Variants in SNRNP27 observed in about 807,000 individuals in gnomAD.
SNRNP27 encodes the protein U4/U6.U5 small nuclear ribonucleoprotein 27 kDa protein.
Under a neutral mutation model 25.1 loss-of-function variants are expected in SNRNP27, and 22 were observed. That is an observed-to-expected ratio of 0.88 (90% CI 0.63 to 1.25). The LOEUF is 1.25. SNRNP27 is among the 50% of genes most tolerant of loss of function. The pLI, the probability that SNRNP27 is intolerant of heterozygous loss-of-function variation, is 0.00. For missense variants in SNRNP27, 150 were observed against 202.3 expected (o/e 0.74, Z 1.57); for synonymous variants, 66 against 64.9 (o/e 1.02, Z -0.08).
At position 69,904,518 on chromosome 2, in the gene SNRNP27, T is replaced by C. The variant is rs150181431; in HGVS notation, c.*210T>C. 4.9e-6 allele frequency: 3 copies of C among 614,984 alleles called. No individual in the cohort carries two copies. Among genetic ancestry groups the C allele is most frequent in the East Asian group, 5.8e-5 (2 of 34,512 alleles). The allele number at this position is 614,984 out of a possible 1,614,324, so 38.1% of individuals were successfully genotyped here. On this transcript the variant is annotated 3_prime_UTR_variant, in exon 6 of 6. Coordinates refer to ENST00000244227, the MANE Select transcript of SNRNP27 (RefSeq NM_006857.3). ...TTACATTTTTTTCTTTTAGGAAATATCATTTGTGGCAGGCGTCAACCCCAT... is the reference window on the plus strand; with the variant it reads ...TTACATTTTTTTCTTTTAGGAAATACCATTTGTGGCAGGCGTCAACCCCAT...
chr2:69,897,010 G>C (rs1357985472), intron 3 of SNRNP27, among the ~76,000 whole-genome samples: 1 of 151,946 alleles, frequency 6.6e-6, no homozygotes, highest in African/African-American at 2.4e-5. Context: ...GCAAGTTGCT[G>C]GTTATCTATG....
At position 69,896,448 on chromosome 2, in the gene SNRNP27, A is replaced by G. The variant is rs1358230382; in HGVS notation, c.168A>G (p.Arg56=). 1 of 1,611,892 alleles carries G rather than the reference A, an allele frequency of 6.2e-7. No homozygotes were observed. The highest frequency in any genetic ancestry group is 1.7e-5 in the Admixed American group (1 of 59,986). The part of the protein sequence containing the change: ...PHRRRSRSPR[R]HRSTSPSPSR... ...TTATAAATATTAGATCTCCAAGACG[A>G]CATAGATCCACATCTCCTTCCCCTT... is the stretch of plus-strand genomic sequence containing the variant. The change falls in exon 3 of 6, where the codon CGA becomes CGG. Residue 56 remains arginine (R), a synonymous_variant. Transcript: ENST00000244227.
Position 69,895,189 on chromosome 2 carries a change from C to T in SNRNP27, c.130C>T (p.Arg44Ter), listed in dbSNP as rs1195022502. 6.2e-7 allele frequency: 1 copy of T among 1,614,080 alleles called. No individual in the cohort carries two copies. The highest frequency in any genetic ancestry group is 1.7e-5 in the Admixed American group (1 of 60,018). Reference sequence around the variant, plus strand: ...GAGAGATCGGAGAAGGAGCCGCTCGCGATCCCCGCACCGAAGACGCTCCCG... The same window carrying T: ...GAGAGATCGGAGAAGGAGCCGCTCGTGATCCCCGCACCGAAGACGCTCCCG... ...RERDRRRSRS[R>*]SPHRRRSRSP... Residue 44 changes from arginine (R) to a stop codon, truncating the protein, a stop_gained, in exon 2 of 6, where the codon CGA becomes TGA. Coordinates refer to ENST00000244227, the MANE Select transcript of SNRNP27 (RefSeq NM_006857.3). LOFTEE classifies it high-confidence loss of function.
At chr2:69,894,380 G>A (rs1179016052) in intron 1 of SNRNP27, among the ~76,000 whole-genome samples, 2 of 152,194 alleles carry the variant, frequency 1.3e-5, no homozygotes, top group African/African-American at 2.4e-5. Context: ...CCCAGAATGA[G>A]TCATTGAGGG....
intron 4 of SNRNP27, among the ~76,000 whole-genome samples, chr2:69,899,318 T>C (rs189204484): frequency 6.6e-6 from 1 of 152,368 alleles, no homozygotes; most frequent in Admixed American, 6.5e-5. Context: ...AATGTGTGTC[T>C]TGTGATGTTT....
At chr2:69,902,605 GCTT>G (rs1433045898) in intron 4 of SNRNP27, among the ~76,000 whole-genome samples, 3 of 150,490 alleles carry the variant, frequency 2.0e-5, no homozygotes, top group Admixed American at 6.7e-5. Flanking sequence ...TTGTGTTTCT[GCTT>G]CTTCTGCTGC....
Position 69,896,447 on chromosome 2 carries a change from G to T in SNRNP27, c.167G>T (p.Arg56Leu), listed in dbSNP as rs1173334849. 1 of 1,611,758 alleles carries T rather than the reference G, an allele frequency of 6.2e-7. No homozygotes were observed. Among genetic ancestry groups the T allele is most frequent in the Admixed American group, 1.7e-5 (1 of 59,934 alleles). ...PHRRRSRSPR[R>L]HRSTSPSPSR... ...CTTATAAATATTAGATCTCCAAGAC[G>T]ACATAGATCCACATCTCCTTCCCCT... Residue 56 changes from arginine (R) to leucine (L), a missense_variant, in exon 3 of 6, where the codon CGA (arginine) becomes CTA (leucine). By Grantham distance (102) the Arg-to-Leu change is moderately radical. Around this residue, in one of 2 missense-constraint regions of SNRNP27, gnomAD observed 142 missense variants for 168.6 expected, o/e 0.84. Transcript: ENST00000244227.
rs538220211 is a variant in SNRNP27 at position 69,901,498 on chromosome 2, A to G, written c.349-1683A>G. On this transcript the variant is annotated intron_variant, in intron 4 of 5. Coordinates refer to ENST00000244227, the MANE Select transcript of SNRNP27 (RefSeq NM_006857.3). The stretch of plus-strand genomic sequence containing the variant: ...TAACAACCTAGCATTTGTGTCTGTT[A>G]TTCTGTTCTGATTCTTGATTTAAAG... Among the ~76,000 whole-genome samples the G allele has an allele frequency of 2.3e-3, 353 of 152,334 alleles. 3 individuals are homozygous for G. Among genetic ancestry groups the G allele is most frequent in the African/African-American group, 8.3e-3 (344 of 41,580 alleles).
At chr2:69,904,226 A>G (rs773349863) in intron 5 of SNRNP27, 28 bp from the exon 6 acceptor site, 5 of 1,550,224 alleles carry the variant, frequency 3.2e-6, no homozygotes, top group Non-Finnish European at 4.4e-6. Context: ...ATTAAAAAAA[A>G]ACAATGAATT....
At chr2:69,902,223 T>C (rs13424153) in intron 4 of SNRNP27, among the ~76,000 whole-genome samples, 1 of 145,198 alleles carries the variant, frequency 6.9e-6, no homozygotes, top group African/African-American at 2.6e-5. Flanking sequence ...CCTCCCTCCT[T>C]CCTCCTCCCT....
chr2:69,898,882 G>C (rs1676646300), intron 4 of SNRNP27, among the ~76,000 whole-genome samples: 1 of 152,172 alleles, frequency 6.6e-6, no homozygotes, highest in Non-Finnish European at 1.5e-5. Context: ...AGTTTATTAA[G>C]ATATATGTTG....
At chr2:69,896,648 C>T in intron 3 of SNRNP27, 100 bp downstream of exon 3, 1 of 1,123,464 alleles carries the variant, frequency 8.9e-7, no homozygotes. Context: ...TTATAGTATT[C>T]ATTGCATATG....
intron 4 of SNRNP27, among the ~76,000 whole-genome samples, chr2:69,899,866 G>GT (rs1338283345): frequency 6.6e-6 from 1 of 152,196 alleles, no homozygotes; most frequent in Non-Finnish European, 1.5e-5. Context: ...GTAGCTGAGA[G>GT]TAGGCACATG....
chr2:69,895,511 G>T (rs539321128), intron 2 of SNRNP27, among the ~76,000 whole-genome samples: 3 of 152,184 alleles, frequency 2.0e-5, no homozygotes, highest in South Asian at 2.1e-4. Flanking sequence ...TCTTTCTTCC[G>T]TTCCTTTCCT....
At position 69,895,103 on chromosome 2, in the gene SNRNP27, G is replaced by A. The variant is rs1055209804; in HGVS notation, c.44G>A (p.Arg15His). ...TGTGCGTTTGCATTAGAACGTAGGCGTTCCCGGTCCACATCCCGGGAGAGA... is the reference window on the plus strand; with the variant it reads ...TGTGCGTTTGCATTAGAACGTAGGCATTCCCGGTCCACATCCCGGGAGAGA... ...RSRSPRRERR[R>H]SRSTSRERER... is the part of the protein sequence containing the mutation. The change falls in exon 2 of 6, where the codon CGT (arginine) becomes CAT (histidine). Residue 15 changes from arginine (R) to histidine (H), a missense_variant. By Grantham distance (29) the Arg-to-His change is conservative. Transcript: ENST00000244227. 6.2e-7 allele frequency: 1 copy of A among 1,613,244 alleles called. No individual in the cohort carries two copies. The highest frequency in any genetic ancestry group is 8.5e-7 in the Non-Finnish European group (1 of 1,179,878).
chr2:69,895,313 A>C, intron 2 of SNRNP27, 99 bp downstream of exon 2: 1 of 1,430,048 alleles, frequency 7.0e-7, no homozygotes, highest in Non-Finnish European at 9.4e-7. Flanking sequence ...AAGGGGATTT[A>C]CGGTTTCCTG....
chr2:69,903,492 G>GA, intron 5 of SNRNP27: 1 of 408,362 alleles, frequency 2.4e-6, no homozygotes. Context: ...AATTTCCTCA[G>GA]AAAAGCATAA....
Position 69,904,624 on chromosome 2 carries a change from T to C in SNRNP27, c.*316T>C, listed in dbSNP as rs1297992701. On this transcript the variant is annotated 3_prime_UTR_variant, in exon 6 of 6. Coordinates refer to ENST00000244227, the MANE Select transcript of SNRNP27 (RefSeq NM_006857.3). Reference sequence around the variant, plus strand: ...TAGGACTTCTTAAAAAACATGAAAGTAATTTGGAAGTAAGTTTATCCAATA... The same window carrying C: ...TAGGACTTCTTAAAAAACATGAAAGCAATTTGGAAGTAAGTTTATCCAATA... 6.3e-6 allele frequency: 3 copies of C among 475,204 alleles called. No homozygotes were observed. Among genetic ancestry groups the C allele is most frequent in the Non-Finnish European group, 1.1e-5 (3 of 272,824 alleles). The allele number at this position is 475,204 out of a possible 1,614,324, so 29.4% of individuals were successfully genotyped here. A position where few individuals can be genotyped will look rare whatever the true frequency, so the allele number is the denominator to read the frequency against.
rs528758573 is a variant in SNRNP27 at position 69,894,161 on chromosome 2, GT to G, written c.34+144del. On this transcript the variant is annotated intron_variant, in intron 1 of 5. Coordinates refer to ENST00000244227, the MANE Select transcript of SNRNP27 (RefSeq NM_006857.3). ...GAGAGCGAGGGGTGGATAAAGGAACGTAGACCTGGGCCCTGCCCTCTTCAGC... is the reference window on the plus strand; with the variant it reads ...GAGAGCGAGGGGTGGATAAAGGAACGAGACCTGGGCCCTGCCCTCTTCAGC... 3.2e-4 allele frequency: 230 copies of G among 708,246 alleles called. No individual in the cohort carries two copies. The African/African-American group carries it at 3.5e-3, about 11-fold the overall frequency. 43.9% of individuals were successfully genotyped at this position (708,246 alleles called of 1,614,324 possible).
Sources: allele counts gnomAD v4.1 joint callset (sites outside exome capture counted in the v4.1 genomes callset), GRCh38; gene constraint gnomAD v4.1.1; regional missense constraint gnomAD v4.1.1; transcripts MANE v1.5; gene names NCBI Gene and HGNC (gene_info 2026-07-23, HGNC 2026-07-21).